The following EPHA3 variants were observed in gnomAD, a reference collection of about 807,000 sequenced individuals.
EPHA3 encodes ephrin type-A receptor 3.
In EPHA3, 42 loss-of-function variants were observed where a neutral mutation model predicts 107.1. That is an observed-to-expected ratio of 0.39 (90% confidence interval 0.31 to 0.51). The LOEUF (loss-of-function observed/expected upper bound fraction) is 0.51. EPHA3 is among the 20% of genes least tolerant of loss of function. The pLI, the probability that EPHA3 is intolerant of heterozygous loss-of-function variation, is 0.78. For synonymous variants in EPHA3, 461 were observed against 424.8 expected (o/e 1.09, Z -1.05); for missense variants, 1,183 against 1,211.2 (o/e 0.98, Z 0.35).
chr3:89,274,433 A>G (rs2107303681), intron 3 of EPHA3, among the ~76,000 whole-genome samples: 1 of 152,116 alleles, frequency 6.6e-6, no homozygotes, highest in East Asian at 1.9e-4. Flanking sequence ...TAAGCAGTAT[A>G]TTTAGGGAGG....
intron 1 of EPHA3, among the ~76,000 whole-genome samples, chr3:89,122,987 A>T (rs911626152): frequency 1.3e-5 from 2 of 152,152 alleles, no homozygotes; most frequent in African/African-American, 4.8e-5. Flanking sequence ...AAGAGAGAGG[A>T]TGACTCTGGG....
At chr3:89,256,353 T>C (rs1705284758) in intron 3 of EPHA3, among the ~76,000 whole-genome samples, 1 of 151,810 alleles carries the variant, frequency 6.6e-6, no homozygotes, top group African/African-American at 2.4e-5. Flanking sequence ...TCAAGACCAG[T>C]GTGGACAAGG....
At chr3:89,382,551 C>T (rs530728974) in intron 5 of EPHA3, among the ~76,000 whole-genome samples, 35 of 151,390 alleles carry the variant, frequency 2.3e-4, no homozygotes, top group Admixed American at 5.9e-4. Flanking sequence ...CACATAATGC[C>T]ACAAAGAGAA....
chr3:89,204,691 T>C (rs148414379), intron 2 of EPHA3, among the ~76,000 whole-genome samples: 519 of 151,876 alleles, frequency 3.4e-3, no homozygotes, highest in African/African-American at 0.012. Context: ...AATAGAAATA[T>C]AATGATTTTT....
Position 89,481,776 on chromosome 3 carries a change from C to G in EPHA3, c.*2274C>G. The stretch of plus-strand genomic sequence containing the variant: ...GATTCTTAACCATGGAGTAGAGGTA[C>G]TAGAATGCTTACGGCCATCTCTTTG... On this transcript the variant is annotated 3_prime_UTR_variant, in exon 17 of 17. Transcript: ENST00000336596. 1 of 232,042 alleles carries G rather than the reference C, an allele frequency of 4.3e-6. No homozygotes were observed. The highest frequency in any genetic ancestry group is 6.1e-5 in the East Asian group (1 of 16,300). The allele number at this position is 232,042 out of a possible 1,614,324, so 14.4% of individuals were successfully genotyped here. A position where few individuals can be genotyped will look rare whatever the true frequency, so the allele number is the denominator to read the frequency against.
chr3:89,355,463 A>T (rs1707925167), intron 5 of EPHA3, among the ~76,000 whole-genome samples: 1 of 151,458 alleles, frequency 6.6e-6, no homozygotes, highest in South Asian at 2.1e-4. Context: ...AACAAAGTGG[A>T]ACAGGACAGT....
intron 3 of EPHA3, among the ~76,000 whole-genome samples, chr3:89,217,615 A>G (rs1391191079): frequency 6.6e-6 from 1 of 152,140 alleles, no homozygotes; most frequent in African/African-American, 2.4e-5. Context: ...ATAATCCACC[A>G]CAGACTTTTT....
At chr3:89,355,119 C>CA (rs57606058) in intron 5 of EPHA3, among the ~76,000 whole-genome samples, 2,887 of 137,732 alleles carry the variant, frequency 0.021, 100 homozygotes, top group African/African-American at 0.062. Flanking sequence ...AACAAATTGA[C>CA]AAAAAAAAAA....
chr3:89,324,126 C>G (rs1027336694), intron 3 of EPHA3, among the ~76,000 whole-genome samples: 1 of 149,324 alleles, frequency 6.7e-6, no homozygotes, highest in Non-Finnish European at 1.5e-5. Flanking sequence ...TAGTTCCCAA[C>G]TGCTCAATGT....
chr3:89,137,286 A>C (rs1422354409), intron 2 of EPHA3, among the ~76,000 whole-genome samples: 1 of 151,954 alleles, frequency 6.6e-6, no homozygotes, highest in African/African-American at 2.4e-5. Flanking sequence ...AAGGAGTTTC[A>C]ACTGTTTCAT....
At chr3:89,131,348 A>C (rs1432726387) in intron 2 of EPHA3, among the ~76,000 whole-genome samples, 1 of 152,160 alleles carries the variant, frequency 6.6e-6, no homozygotes, top group Non-Finnish European at 1.5e-5. Flanking sequence ...TGATTTGGAG[A>C]ACAATCAACA....
rs566480002 is a variant in EPHA3 at position 89,480,619 on chromosome 3, TA to T, written c.*1128del. ...CACAGCCTATAGGCCAATGCATGAG[TA>T]AAAAAAAAAACAATTACTGGCTCAC... On this transcript the variant is annotated 3_prime_UTR_variant, in exon 17 of 17. Transcript: ENST00000336596. 3.9e-3 allele frequency: 820 copies of T among 208,260 alleles called. No homozygotes were observed. Among genetic ancestry groups the T allele is most frequent in the East Asian group, 8.8e-3 (114 of 12,882 alleles). The allele number at this position is 208,260 out of a possible 1,614,324, so 12.9% of individuals were successfully genotyped here. A position where few individuals can be genotyped will look rare whatever the true frequency, so the allele number is the denominator to read the frequency against.
chr3:89,243,325 T>G (rs989432610), intron 3 of EPHA3, among the ~76,000 whole-genome samples: 22 of 152,094 alleles, frequency 1.4e-4, no homozygotes, highest in South Asian at 2.1e-4. Flanking sequence ...CTGAGGAATC[T>G]CCACACTGAC....
chr3:89,451,512 CAT>C (rs1481202758), intron 15 of EPHA3, among the ~76,000 whole-genome samples: 1 of 152,170 alleles, frequency 6.6e-6, no homozygotes, highest in Non-Finnish European at 1.5e-5. Flanking sequence ...TGATTTATCA[CAT>C]GAGTTAGTAC....
chr3:89,326,227 T>G (rs1707163754), intron 3 of EPHA3, among the ~76,000 whole-genome samples: 1 of 152,076 alleles, frequency 6.6e-6, no homozygotes, highest in Non-Finnish European at 1.5e-5. Context: ...CCCTTGTATA[T>G]AATAGTGTTG....
At chr3:89,314,026 T>G (rs1269383453) in intron 3 of EPHA3, among the ~76,000 whole-genome samples, 1 of 151,968 alleles carries the variant, frequency 6.6e-6, no homozygotes, top group Admixed American at 6.6e-5. Flanking sequence ...ACATGAAGAA[T>G]TAATGTTGTG....
intron 3 of EPHA3, among the ~76,000 whole-genome samples, chr3:89,211,071 T>C (rs1704064747): frequency 1.3e-5 from 2 of 152,150 alleles, no homozygotes; most frequent in Admixed American, 1.3e-4. Context: ...CCAGAGCTGA[T>C]GCTTCAGTGT....
intron 3 of EPHA3, among the ~76,000 whole-genome samples, chr3:89,276,382 A>T (rs1321657001): frequency 6.6e-6 from 1 of 152,084 alleles, no homozygotes; most frequent in East Asian, 1.9e-4. Context: ...TGTCACTAGC[A>T]AATTCTTTAA....
intron 13 of EPHA3, among the ~76,000 whole-genome samples, chr3:89,432,855 C>T (rs190698500): frequency 4.9e-4 from 74 of 151,994 alleles, no homozygotes; most frequent in Middle Eastern, 3.4e-3. Flanking sequence ...TAAATCAATG[C>T]CATTTTGTTT....
Sources: allele counts gnomAD v4.1 joint callset (sites outside exome capture counted in the v4.1 genomes callset), GRCh38; gene constraint gnomAD v4.1.1; transcripts MANE v1.5; gene names NCBI Gene and HGNC (gene_info 2026-07-23, HGNC 2026-07-21).